Variants in NTSR1 observed in about 807,000 individuals in gnomAD.
NTSR1 encodes the protein neurotensin receptor type 1.
NTSR1 carries 29 observed loss-of-function variants against 31.2 expected under a neutral mutation model. The observed-to-expected ratio is 0.93, with a 90% CI of 0.69 to 1.27. NTSR1 has a LOEUF of 1.27. Among genes scored for constraint, NTSR1 ranks in the 50% most tolerant of loss-of-function variants. The pLI is 0.00. For missense variants in NTSR1, 697 were observed against 595.4 expected (o/e 1.17, Z -1.78); for synonymous variants, 282 against 269.9 (o/e 1.04, Z -0.44).
At chr20:62,747,623 G>A (rs1989323764) in intron 1 of NTSR1, among the ~76,000 whole-genome samples, 1 of 152,228 alleles carries the variant, frequency 6.6e-6, no homozygotes, top group Non-Finnish European at 1.5e-5. Flanking sequence ...TACTCAACAT[G>A]GTCCTGGAAG....
chr20:62,732,506 C>T lies in NTSR1; in HGVS notation c.715-22179C>T, dbSNP rs1568701755. The stretch of plus-strand genomic sequence containing the variant: ...AAATCCTGTGCTGTCTAATTCTTAC[C>T]ATGTAGCGCTGCATGAGATTCGCTG... On this transcript the variant is annotated intron_variant, in intron 1 of 3. Coordinates refer to ENST00000370501, the MANE Select transcript of NTSR1 (RefSeq NM_002531.3). This position sits in a 1 kb window ranked among gnomAD's most constrained non-coding sequence, Gnocchi z 4.0. The T allele has an allele frequency of 6.6e-6, 1 of 152,218 alleles. No homozygotes were observed. Among genetic ancestry groups the T allele is most frequent in the South Asian group, 2.1e-4 (1 of 4,830 alleles). 9.4% of individuals were successfully genotyped at this position (152,218 alleles called of 1,614,324 possible).
intron 1 of NTSR1, among the ~76,000 whole-genome samples, chr20:62,735,964 C>G (rs1600727131): frequency 6.6e-6 from 1 of 152,230 alleles, no homozygotes; most frequent in East Asian, 1.9e-4. Context: ...AATTCAGATT[C>G]TGTATTCAAC....
Position 62,709,424 on chromosome 20 carries a change from C to T in NTSR1, c.217C>T (p.Leu73Phe), listed in dbSNP as rs2147129277. Residue 73 changes from leucine (L) to phenylalanine (F), a missense_variant, in exon 1 of 4, where the codon CTC becomes TTC. Physicochemically the swap from Leu to Phe is conservative, Grantham distance 22. Coordinates refer to ENST00000370501, the MANE Select transcript of NTSR1 (RefSeq NM_002531.3). ...GCTGGTGACCGCCGTGTACCTGGCG[C>T]TCTTCGTGGTGGGCACGGTGGGCAA... ...KVLVTAVYLA[L>F]FVVGTVGNTV... is the part of the protein sequence containing the mutation. 6.2e-7 allele frequency: 1 copy of T among 1,611,984 alleles called. No individual in the cohort carries two copies. Among genetic ancestry groups the T allele is most frequent in the Non-Finnish European group, 8.5e-7 (1 of 1,179,302 alleles).
In NTSR1 at chr20:62,757,967, C is replaced by T. The variant is rs112988344; in HGVS notation, c.917-299C>T. ...GGTGCAGTGGGTCTCTGAGCCCACG[C>T]CTCTGTGCCTCAGGTGCAGTGGGTC... On this transcript the variant is annotated intron_variant, in intron 2 of 3. Coordinates refer to ENST00000370501, the MANE Select transcript of NTSR1 (RefSeq NM_002531.3). Among the ~76,000 whole-genome samples, 72 of 130,552 alleles carry T rather than the reference C, an allele frequency of 5.5e-4. 1 individual carries two copies. Among genetic ancestry groups the T allele is most frequent in the Non-Finnish European group, 9.0e-4 (54 of 59,822 alleles). 85.6% of individuals were successfully genotyped at this position (130,552 alleles called of 152,430 possible).
chr20:62,749,865 C>A (rs768137266), intron 1 of NTSR1, among the ~76,000 whole-genome samples: 1 of 152,062 alleles, frequency 6.6e-6, no homozygotes, highest in Admixed American at 6.6e-5. Context: ...TAAATGGGTA[C>A]GGCTGTTACG....
rs1399953681 is a variant in NTSR1, at chr20:62,762,280, G to A, written c.*2013G>A. ...GTTTCCCCATCTAAGGAACAGATGT[G>A]GTCGTTCCGCCCTCTCAGCTGGATG... On this transcript the variant is annotated 3_prime_UTR_variant, in exon 4 of 4. Coordinates refer to ENST00000370501, the MANE Select transcript of NTSR1 (RefSeq NM_002531.3). The A allele has an allele frequency of 6.6e-6, 1 of 152,196 alleles. No homozygotes were observed. The highest frequency in any genetic ancestry group is 2.4e-5 in the African/African-American group (1 of 41,428). 9.4% of individuals were successfully genotyped at this position (152,196 alleles called of 1,614,324 possible).
At position 62,749,265 on chromosome 20, in the gene NTSR1, C is replaced by G. The variant is rs150997621; in HGVS notation, c.715-5420C>G. On this transcript the variant is annotated intron_variant, in intron 1 of 3. Transcript: ENST00000370501. ...GACCATCCTGGCTAACACGGTGAAA[C>G]CCCGTCTCTACTAAAAATACAAAAA... Among the ~76,000 whole-genome samples the G allele has an allele frequency of 1.9e-3, 295 of 152,240 alleles. 2 individuals carry two copies. Among genetic ancestry groups the G allele is most frequent in the Non-Finnish European group, 1.9e-3 (130 of 68,020 alleles).
rs1989270931 is a variant in NTSR1, at chr20:62,744,863, C to T, written c.715-9822C>T. ...GGCTGCTTCTGAGAGGCTTGAGGCC[C>T]TACCAACCACTCAAACGCCATTCCC... is the stretch of plus-strand genomic sequence containing the variant. On this transcript the variant is annotated intron_variant, in intron 1 of 3. Transcript: ENST00000370501. This position sits in a 1 kb window ranked among gnomAD's most constrained non-coding sequence, Gnocchi z 4.1. Among the ~76,000 whole-genome samples the T allele has an allele frequency of 6.6e-6, 1 of 152,220 alleles. No homozygotes were observed. The highest frequency in any genetic ancestry group is 1.5e-5 in the Non-Finnish European group (1 of 68,040).
intron 1 of NTSR1, among the ~76,000 whole-genome samples, chr20:62,718,584 C>A (rs1988777049): frequency 6.6e-6 from 1 of 151,484 alleles, no homozygotes; most frequent in Admixed American, 6.6e-5. Flanking sequence ...GCTCTCCTCC[C>A]CCACAGCTTT....
At chr20:62,749,773 T>C (rs1989361379) in intron 1 of NTSR1, among the ~76,000 whole-genome samples, 1 of 152,080 alleles carries the variant, frequency 6.6e-6, no homozygotes, top group Admixed American at 6.6e-5. Context: ...AGGATGGCGA[T>C]CATCAAAAAG....
In NTSR1 at chr20:62,744,127, G is replaced by A. The variant is rs11907445; in HGVS notation, c.715-10558G>A. Among the ~76,000 whole-genome samples the A allele has an allele frequency of 1.3e-5, 2 of 152,036 alleles. No homozygotes were observed. The highest frequency in any genetic ancestry group is 2.9e-5 in the Non-Finnish European group (2 of 68,012). On this transcript the variant is annotated intron_variant, in intron 1 of 3. Transcript: ENST00000370501. The surrounding 1 kb of genome is among the most constrained non-coding windows in gnomAD (Gnocchi z 4.1). ...CATAGGTCCAGCCCCACCAGCCGTC[G>A]CCCCAGCGTGTCCCATCCCAGCCTC...
rs920759616 is a variant in NTSR1 at position 62,732,470 on chromosome 20, A to G, written c.715-22215A>G. The G allele has an allele frequency of 2.0e-5, 3 of 152,238 alleles. No individual in the cohort carries two copies. Among genetic ancestry groups the G allele is most frequent in the Admixed American group, 6.5e-5 (1 of 15,290 alleles). 9.4% of individuals were successfully genotyped at this position (152,238 alleles called of 1,614,324 possible). A position where few individuals can be genotyped will look rare whatever the true frequency, so the allele number is the denominator to read the frequency against. ...TTTCCGAACCCTGGAGCAGCCTCGC[A>G]TGCCTGGAATAAATCCTGTGCTGTC... On this transcript the variant is annotated intron_variant, in intron 1 of 3. Transcript: ENST00000370501. The surrounding 1 kb of genome is among the most constrained non-coding windows in gnomAD (Gnocchi z 4.0).
chr20:62,728,976 C>T (rs1459272385), intron 1 of NTSR1, among the ~76,000 whole-genome samples: 1 of 152,238 alleles, frequency 6.6e-6, no homozygotes, highest in African/African-American at 2.4e-5. Flanking sequence ...TGACCCCACC[C>T]AGCCCTTCCG....
intron 1 of NTSR1, among the ~76,000 whole-genome samples, chr20:62,728,073 C>G (rs1429933470): frequency 1.3e-5 from 2 of 151,692 alleles, no homozygotes; most frequent in African/African-American, 2.4e-5. Flanking sequence ...TTTACTCCCC[C>G]TCCTGGGGCT....
chr20:62,750,791 A>G (rs1989381447), intron 1 of NTSR1, among the ~76,000 whole-genome samples: 1 of 151,910 alleles, frequency 6.6e-6, no homozygotes, highest in African/African-American at 2.4e-5. Context: ...GGTAACTGTG[A>G]GGTGACGGAT....
In NTSR1 at chr20:62,760,660, T is replaced by A; in HGVS notation, c.*393T>A. 3 of 180,296 alleles carry A rather than the reference T, an allele frequency of 1.7e-5. No homozygotes were observed. The highest frequency in any genetic ancestry group is 5.4e-5 in the Admixed American group (1 of 18,488). The allele number at this position is 180,296 out of a possible 1,614,324, so 11.2% of individuals were successfully genotyped here. On this transcript the variant is annotated 3_prime_UTR_variant, in exon 4 of 4. Coordinates refer to ENST00000370501, the MANE Select transcript of NTSR1 (RefSeq NM_002531.3). ...GGGGCCGGGCCTCCGGCGGCCCGGC[T>A]GCTGTTCCCATGTCCACATCTCTGA... is the stretch of plus-strand genomic sequence containing the variant.
chr20:62,719,771 T>C (rs1347736643), intron 1 of NTSR1, among the ~76,000 whole-genome samples: 2 of 152,228 alleles, frequency 1.3e-5, no homozygotes, highest in African/African-American at 4.8e-5. Flanking sequence ...AGTGTTTTGC[T>C]GAGAATTTTT....
At position 62,709,412 on chromosome 20, in the gene NTSR1, G is replaced by A. The variant is rs754914970; in HGVS notation, c.205G>A (p.Val69Met). 16 of 1,610,938 alleles carry A rather than the reference G, an allele frequency of 9.9e-6. No individual in the cohort carries two copies. The Admixed American group carries it at 1.3e-4, about 13-fold the overall frequency. Reference protein sequence around the residue: ...DIYSKVLVTAVYLALFVVGTV... With the variant: ...DIYSKVLVTAMYLALFVVGTV... ...CTACTCCAAGGTGCTGGTGACCGCC[G>A]TGTACCTGGCGCTCTTCGTGGTGGG... The change falls in exon 1 of 4, where the codon GTG (valine) becomes ATG (methionine). Residue 69 changes from valine (V) to methionine (M), a missense_variant. Coordinates refer to ENST00000370501, the MANE Select transcript of NTSR1 (RefSeq NM_002531.3).
At position 62,742,842 on chromosome 20, in the gene NTSR1, C is replaced by T. The variant is rs3827144; in HGVS notation, c.715-11843C>T. Among the ~76,000 whole-genome samples the T allele has an allele frequency of 0.13, 18,990 of 149,284 alleles. 2,199 individuals carry two copies. Among genetic ancestry groups the T allele is most frequent in the Middle Eastern group, 0.23 (66 of 292 alleles). ...CCACCAGGGTTCCCATCCCTCTCCC[C>T]GCAGTGTTTCCCCAGTTCCAGGGCT... On this transcript the variant is annotated intron_variant, in intron 1 of 3. Coordinates refer to ENST00000370501, the MANE Select transcript of NTSR1 (RefSeq NM_002531.3). The surrounding 1 kb of genome is among the most constrained non-coding windows in gnomAD (Gnocchi z 7.1).
Sources: allele counts gnomAD v4.1 joint callset (sites outside exome capture counted in the v4.1 genomes callset), GRCh38; gene constraint gnomAD v4.1.1; non-coding constraint Gnocchi (gnomAD v3.1); transcripts MANE v1.5; gene names NCBI Gene and HGNC (gene_info 2026-07-23, HGNC 2026-07-21).